Variants in TANC2 observed in about 807,000 individuals in gnomAD.
TANC2 encodes the protein tetratricopeptide repeat, ankyrin repeat and coiled-coil containing 2.
In TANC2, 26 loss-of-function variants were observed where a neutral mutation model predicts 210.5. The ratio of observed to expected loss-of-function variants is 0.12; its 90% confidence interval spans 0.09 to 0.17. TANC2 has a LOEUF of 0.17. Ranked by LOEUF, TANC2 falls within the 10% of genes least tolerant of loss-of-function variation. The pLI, the probability that TANC2 is intolerant of heterozygous loss-of-function variation, is 1.00. For synonymous variants in TANC2, 931 were observed against 967.1 expected, an observed-to-expected ratio of 0.96 and a Z score of 0.69; for missense variants, 2,129 against 2,608.9, an observed-to-expected ratio of 0.82 and a Z score of 4.01.
At chr17:63,195,959 A>G (rs2041333197) in intron 6 of TANC2, among the ~76,000 whole-genome samples, 2 of 152,116 alleles carry the variant, frequency 1.3e-5, no homozygotes, top group South Asian at 4.2e-4. Flanking sequence ...CATCAGCTAT[A>G]TTCATTTTTA....
intron 1 of TANC2, among the ~76,000 whole-genome samples, chr17:62,999,341 G>A (rs916280415): frequency 1.3e-5 from 2 of 152,186 alleles, no homozygotes; most frequent in Non-Finnish European, 2.9e-5. Context: ...CTGCAGAACT[G>A]CAAGCCAATT....
chr17:63,328,024 G>A (rs1383749367), intron 11 of TANC2, among the ~76,000 whole-genome samples: 4 of 152,180 alleles, frequency 2.6e-5, no homozygotes, highest in Non-Finnish European at 5.9e-5. Flanking sequence ...AACATGCGGT[G>A]TTTGGTTTTT....
At chr17:63,024,916 A>G (rs2034490086) in intron 2 of TANC2, among the ~76,000 whole-genome samples, 1 of 152,160 alleles carries the variant, frequency 6.6e-6, no homozygotes, top group African/African-American at 2.4e-5. Context: ...GATGTAAGAG[A>G]TTTTAAGTTG....
At chr17:63,410,720 G>A (rs2048668429) in intron 21 of TANC2, among the ~76,000 whole-genome samples, 1 of 151,776 alleles carries the variant, frequency 6.6e-6, no homozygotes, top group African/African-American at 2.4e-5. Flanking sequence ...AATTAGCCAG[G>A]CATGGTGGTG....
chr17:63,075,808 C>T (rs764758893), intron 3 of TANC2, among the ~76,000 whole-genome samples: 10 of 151,998 alleles, frequency 6.6e-5, no homozygotes, highest in South Asian at 2.1e-4. Context: ...TGTGAGCCAC[C>T]GCGCCTGGCC....
At chr17:63,212,960 A>G (rs1465611992) in intron 7 of TANC2, among the ~76,000 whole-genome samples, 1 of 152,228 alleles carries the variant, frequency 6.6e-6, no homozygotes, top group Non-Finnish European at 1.5e-5. Context: ...TGAGACATAT[A>G]TCTGCTAACA....
At chr17:63,269,437 A>G (rs764446032) in intron 9 of TANC2, among the ~76,000 whole-genome samples, 1 of 152,170 alleles carries the variant, frequency 6.6e-6, no homozygotes, top group Non-Finnish European at 1.5e-5. Context: ...CAGCCGTAAT[A>G]AAGAAGATTG....
chr17:63,188,331 G>C (rs543718366), intron 5 of TANC2, among the ~76,000 whole-genome samples: 1 of 151,648 alleles, frequency 6.6e-6, no homozygotes, highest in African/African-American at 2.4e-5. Context: ...GCTGGGTGCA[G>C]TGGCGTAGTC....
At chr17:63,372,810 A>G (rs1375517080) in intron 14 of TANC2, among the ~76,000 whole-genome samples, 2 of 151,968 alleles carry the variant, frequency 1.3e-5, no homozygotes, top group Non-Finnish European at 1.5e-5. Flanking sequence ...ATGTGAAAAT[A>G]ATTCTCTTCT....
At chr17:63,183,849 C>T (rs1012753753) in intron 5 of TANC2, among the ~76,000 whole-genome samples, 2 of 152,110 alleles carry the variant, frequency 1.3e-5, no homozygotes, top group African/African-American at 4.8e-5. Context: ...AACCCCATCT[C>T]TACGAAAAAT....
chr17:63,416,106 G>C (rs2048850628), intron 26 of TANC2, among the ~76,000 whole-genome samples: 1 of 152,172 alleles, frequency 6.6e-6, no homozygotes, highest in South Asian at 2.1e-4. Flanking sequence ...CCATGGTCTT[G>C]AAGGTTTAAT....
intron 4 of TANC2, chr17:63,120,831 A>AC (rs1340005987): frequency 6.6e-6 from 1 of 151,052 alleles, no homozygotes; most frequent in Non-Finnish European, 1.5e-5. Context: ...AAAAAAAAAA[A>AC]AAAAAAAAAA....
chr17:63,399,045 C>T, intron 19 of TANC2, 131 bp downstream of exon 19: 1 of 564,318 alleles, frequency 1.8e-6, no homozygotes. Flanking sequence ...CAGACTGATT[C>T]AGCCAAACTA....
chr17:63,306,935 A>G (rs1371733031), intron 9 of TANC2, among the ~76,000 whole-genome samples: 2 of 152,206 alleles, frequency 1.3e-5, no homozygotes, highest in African/African-American at 4.8e-5. Context: ...CAACAGAACA[A>G]GACCATGTCT....
rs545295567 is a variant in TANC2, at chr17:63,166,949, A to C, written c.433+15569A>C. Among the ~76,000 whole-genome samples, 9 of 152,282 alleles carry C rather than the reference A, an allele frequency of 5.9e-5. No homozygotes were observed. In the South Asian group the frequency reaches 1.9e-3, roughly 32 times the overall value. The stretch of plus-strand genomic sequence containing the variant: ...GGGGATAGGAATAAGAAAGAGAAAA[A>C]AAGGAGACAGAAGCTTAGGTGAGTG... On this transcript the variant is annotated intron_variant, in intron 5 of 27. Transcript: ENST00000689528.
chr17:63,134,019 A>G (rs1435940073), intron 4 of TANC2, among the ~76,000 whole-genome samples: 1 of 152,164 alleles, frequency 6.6e-6, no homozygotes, highest in East Asian at 1.9e-4. Context: ...TATCCAACAT[A>G]TTGTACTTTT....
chr17:63,208,062 T>G (rs962984057), intron 7 of TANC2, among the ~76,000 whole-genome samples: 5 of 152,204 alleles, frequency 3.3e-5, no homozygotes, highest in Non-Finnish European at 7.4e-5. Context: ...GCTCATTTCC[T>G]AATGTGATTT....
At chr17:63,379,906 TAGTCCCTGCCTTCTGA>T in intron 15 of TANC2, 80 bp downstream of exon 15, 1 of 1,221,698 alleles carries the variant, frequency 8.2e-7, no homozygotes, top group Non-Finnish European at 1.2e-6. Context: ...TATTTCAGTG[TAGTCCCTGCCTTCTGA>T]AGTTCTTTTG....
intron 7 of TANC2, among the ~76,000 whole-genome samples, chr17:63,229,295 A>G (rs1447320832): frequency 6.6e-6 from 1 of 152,134 alleles, no homozygotes; most frequent in Non-Finnish European, 1.5e-5. Context: ...ATCGTAGCTA[A>G]GTTTTTTGAT....
Sources: gnomAD v4.1 joint callset for allele counts (sites outside exome capture counted in the v4.1 genomes callset) on GRCh38, gnomAD v4.1.1 for gene constraint, MANE v1.5 for transcripts, NCBI Gene and HGNC (gene_info 2026-07-23, HGNC 2026-07-21) for gene names.